The following FNTB variants were observed in gnomAD, a reference collection of about 807,000 sequenced individuals.
The protein encoded by FNTB is farnesyltransferase, CAAX box, subunit beta, also known as protein farnesyltransferase subunit beta.
Under a neutral mutation model 59.4 loss-of-function variants are expected in FNTB, and 27 were observed. That is an observed-to-expected ratio of 0.45 (90% CI 0.34 to 0.63). FNTB has a LOEUF of 0.63. Among genes scored for constraint, FNTB ranks in the 20% least tolerant of loss-of-function variants. The pLI is 0.02. For missense variants in FNTB, 449 were observed against 559.6 expected, an observed-to-expected ratio of 0.80 and a Z score of 1.99; for synonymous variants, 230 against 220.7, an observed-to-expected ratio of 1.04 and a Z score of -0.37.
At chr14:65,025,646 C>A (rs1399073855) in intron 4 of FNTB, among the ~76,000 whole-genome samples, 1 of 152,012 alleles carries the variant, frequency 6.6e-6, no homozygotes, top group African/African-American at 2.4e-5. Context: ...GAAACCCCAT[C>A]TTTATAAAAA....
At chr14:65,051,333 G>C (rs2062603603) in intron 9 of FNTB, among the ~76,000 whole-genome samples, 1 of 152,168 alleles carries the variant, frequency 6.6e-6, no homozygotes, top group Non-Finnish European at 1.5e-5. Context: ...ATTTAGGCTG[G>C]GTGCGGTGGC....
chr14:65,022,284 G>GT (rs34044534), intron 4 of FNTB, among the ~76,000 whole-genome samples: 43,658 of 143,910 alleles, frequency 0.3, 6,458 homozygotes, highest in Non-Finnish European at 0.35. Flanking sequence ...CTTTTTTTCT[G>GT]TTTTTTTTTT....
chr14:65,022,020 G>A, intron 4 of FNTB: 1 of 456,046 alleles, frequency 2.2e-6, no homozygotes. Flanking sequence ...GCTTGATGAA[G>A]AGTCAAATAA....
chr14:65,037,748 ATTTATTTATTTATTTAT>A (rs2062240671), intron 7 of FNTB, among the ~76,000 whole-genome samples: 20 of 75,716 alleles, frequency 2.6e-4, no homozygotes, highest in Admixed American at 6.7e-4. Flanking sequence ...TTTATTATTT[ATTTATTTATTTATTTAT>A]TTATTTATTT....
intron 1 of FNTB, among the ~76,000 whole-genome samples, chr14:64,996,977 A>C (rs1336835802): frequency 6.6e-6 from 1 of 152,060 alleles, no homozygotes; most frequent in African/African-American, 2.4e-5. Context: ...TGTTTTTAAA[A>C]ATTCACATAA....
chr14:64,987,104 T>C lies in FNTB; in HGVS notation c.144+7T>C, dbSNP rs1340561823. The C allele has an allele frequency of 6.2e-7, 1 of 1,613,866 alleles. No individual in the cohort carries two copies. ...AGTCACGTCCATAGAACAGGTGAGGTGGCAGGACTGGGCGAGGCGCCCGCG... is the reference window on the plus strand; with the variant it reads ...AGTCACGTCCATAGAACAGGTGAGGCGGCAGGACTGGGCGAGGCGCCCGCG... On this transcript the variant is annotated splice_region_variant and intron_variant, in intron 1 of 11. Coordinates refer to ENST00000246166, the MANE Select transcript of FNTB (RefSeq NM_002028.4).
At chr14:65,037,403 C>CTTTTTTTTTTTTTTTTTTTTT (rs1555335876) in intron 7 of FNTB, among the ~76,000 whole-genome samples, 6 of 29,678 alleles carry the variant, frequency 2.0e-4, no homozygotes, top group Non-Finnish European at 4.4e-4. Flanking sequence ...ACGCCGGGCC[C>CTTTTTTTTTTTTTTTTTTTTT]TTTTTTTTTT....
At chr14:64,998,602 C>T (rs1166642303) in intron 1 of FNTB, among the ~76,000 whole-genome samples, 1 of 152,180 alleles carries the variant, frequency 6.6e-6, no homozygotes, top group Non-Finnish European at 1.5e-5. Flanking sequence ...GGCATTGATG[C>T]ATGAGAACCC....
At chr14:64,996,123 C>CAAAAAAA (rs60137057) in intron 1 of FNTB, among the ~76,000 whole-genome samples, 3 of 82,520 alleles carry the variant, frequency 3.6e-5, no homozygotes, top group African/African-American at 4.3e-5. Flanking sequence ...AACTCTGTCT[C>CAAAAAAA]AAAAAAAAAA....
chr14:65,034,468 A>G (rs566050927), intron 7 of FNTB, among the ~76,000 whole-genome samples: 5 of 150,574 alleles, frequency 3.3e-5, no homozygotes, highest in African/African-American at 1.0e-4. Flanking sequence ...TAACTTGGCA[A>G]TGGTATAAAC....
intron 4 of FNTB, 29 bp downstream of exon 4, chr14:65,015,745 G>A: frequency 1.2e-6 from 2 of 1,604,136 alleles, no homozygotes; most frequent in Non-Finnish European, 8.5e-7. Flanking sequence ...AATCTGGGGT[G>A]TTCTCTGAAA....
At chr14:65,038,206 C>T (rs2062258382) in intron 7 of FNTB, among the ~76,000 whole-genome samples, 1 of 151,652 alleles carries the variant, frequency 6.6e-6, no homozygotes, top group African/African-American at 2.4e-5. Flanking sequence ...GTCAGGAGTT[C>T]GAGACCAGCT....
rs768077835 is a variant in FNTB at position 65,040,933 on chromosome 14, G to A, written c.822+14G>A. ...AAGAGCTTATTAGTAAGTATCTTTT[G>A]AGCCATCCCCCTCTCAGGCCCCAGG... is the stretch of plus-strand genomic sequence containing the variant. On this transcript the variant is annotated intron_variant, in intron 8 of 11. Coordinates refer to ENST00000246166, the MANE Select transcript of FNTB (RefSeq NM_002028.4). The A allele has an allele frequency of 8.1e-6, 13 of 1,612,410 alleles. 1 individual carries two copies. The highest frequency in any genetic ancestry group is 1.0e-5 in the Non-Finnish European group (12 of 1,179,018).
intron 9 of FNTB, among the ~76,000 whole-genome samples, chr14:65,045,378 T>C (rs1030086794): frequency 6.6e-6 from 1 of 151,840 alleles, no homozygotes; most frequent in African/African-American, 2.4e-5. Flanking sequence ...CCCCATACTT[T>C]TTTTTCCTGT....
At chr14:65,042,369 A>G (rs1159026207) in intron 8 of FNTB, among the ~76,000 whole-genome samples, 4 of 152,148 alleles carry the variant, frequency 2.6e-5, no homozygotes, top group East Asian at 1.9e-4. Flanking sequence ...TTTGGGGGTG[A>G]TGGGAGACAG....
chr14:65,054,612 G>A lies in FNTB; in HGVS notation c.1105G>A (p.Gly369Ser), dbSNP rs1212071241. The change falls in exon 11 of 12, where the codon GGC (glycine) becomes AGC (serine). Residue 369 changes from glycine to serine, a missense_variant. Gly to Ser is a moderately conservative substitution (Grantham distance 56). Around this residue, in one of 2 missense-constraint regions of FNTB, gnomAD observed 337 missense variants for 479.1 expected, o/e 0.70. Transcript: ENST00000246166. This position sits in a 1 kb window ranked among gnomAD's most constrained non-coding sequence, Gnocchi z 4.4. ...CTACCACACCTGCTACTGCCTGAGC[G>A]GCCTGTCCATAGCCCAGCACTTCGG... ...DFYHTCYCLS[G>S]LSIAQHFGSG... is the part of the protein sequence containing the mutation. 3 of 1,613,672 alleles carry A rather than the reference G, an allele frequency of 1.9e-6. No individual in the cohort carries two copies. The highest frequency in any genetic ancestry group is 1.3e-5 in the African/African-American group (1 of 74,896).
chr14:65,053,876 G>C (rs1432456772), intron 10 of FNTB, among the ~76,000 whole-genome samples: 1 of 152,072 alleles, frequency 6.6e-6, no homozygotes, highest in Non-Finnish European at 1.5e-5. Flanking sequence ...GGGAAGGCCT[G>C]GTCCCACAAT....
rs112687927 is a variant in FNTB at position 65,012,257 on chromosome 14, C to T, written c.210-60C>T. 78 of 1,601,584 alleles carry T rather than the reference C, an allele frequency of 4.9e-5. No homozygotes were observed. The highest frequency in any genetic ancestry group is 6.2e-5 in the Non-Finnish European group (72 of 1,169,534). ...ACCCGTGTGTGTGTACGTGCACATA[C>T]GTGTGTATGGTGGAAGCATAAGCTA... On this transcript the variant is annotated intron_variant, in intron 2 of 11. Coordinates refer to ENST00000246166, the MANE Select transcript of FNTB (RefSeq NM_002028.4). The surrounding 1 kb of genome is among the most constrained non-coding windows in gnomAD (Gnocchi z 5.0).
Position 65,007,183 on chromosome 14 carries a change from G to A in FNTB, c.209+2870G>A, listed in dbSNP as rs1374446632. ...CAAACATCACCATCATAGAATAAGC[G>A]AGGATATAAGAATAAATTAGAAAAT... On this transcript the variant is annotated intron_variant, in intron 2 of 11. Transcript: ENST00000246166. The surrounding 1 kb of genome is among the most constrained non-coding windows in gnomAD (Gnocchi z 4.9). Among the ~76,000 whole-genome samples the A allele has an allele frequency of 2.0e-5, 3 of 152,170 alleles. No individual in the cohort carries two copies. The highest frequency in any genetic ancestry group is 1.9e-4 in the East Asian group (1 of 5,206).
Sources: gnomAD v4.1 joint callset for allele counts (sites outside exome capture counted in the v4.1 genomes callset) on GRCh38, gnomAD v4.1.1 for gene constraint, gnomAD v4.1.1 regional missense constraint, Gnocchi (gnomAD v3.1) non-coding constraint, MANE v1.5 for transcripts, NCBI Gene and HGNC (gene_info 2026-07-23, HGNC 2026-07-21) for gene names.